The following SPPL2A variants were observed in gnomAD, a reference collection of about 807,000 sequenced individuals.
SPPL2A encodes signal peptide peptidase like 2A.
In SPPL2A, 51 loss-of-function variants were observed where a neutral mutation model predicts 63.8. That is an observed-to-expected ratio of 0.80 (90% CI 0.64 to 1.01). SPPL2A has a LOEUF of 1.01. Among genes scored for constraint, SPPL2A ranks in the 50% least tolerant of loss-of-function variants. SPPL2A has a pLI of 0.00. For synonymous variants in SPPL2A, 188 were observed against 205.8 expected (o/e 0.91, Z 0.74); for missense variants, 553 against 622.7 (o/e 0.89, Z 1.19).
chr15:50,726,465 T>C (rs2062689333), intron 10 of SPPL2A, 88 bp from the exon 11 acceptor site: 2 of 1,237,020 alleles, frequency 1.6e-6, no homozygotes, highest in Non-Finnish European at 2.3e-6. Flanking sequence ...CCATGGCATA[T>C]GGCCAGTTAC....
intron 14 of SPPL2A, among the ~76,000 whole-genome samples, chr15:50,719,217 G>A (rs532852003): frequency 1.3e-5 from 2 of 152,270 alleles, no homozygotes; most frequent in South Asian, 4.1e-4. Flanking sequence ...GCCCTATCTA[G>A]TTTGGTTAGG....
intron 8 of SPPL2A, among the ~76,000 whole-genome samples, chr15:50,735,065 C>T (rs535503894): frequency 1.3e-5 from 2 of 151,966 alleles, no homozygotes; most frequent in South Asian, 2.1e-4. Context: ...CCACCATGCC[C>T]GGCTAATTCT....
At chr15:50,735,522 T>TAC (rs754058840) in intron 8 of SPPL2A, among the ~76,000 whole-genome samples, 1,467 of 142,744 alleles carry the variant, frequency 0.01, 8 homozygotes, top group East Asian at 0.022. Flanking sequence ...CATACATATA[T>TAC]ACACACACAC....
chr15:50,742,218 T>C (rs2062826804), intron 5 of SPPL2A, among the ~76,000 whole-genome samples: 1 of 152,118 alleles, frequency 6.6e-6, no homozygotes, highest in Non-Finnish European at 1.5e-5. Context: ...AAGACCAGCC[T>C]GGCTAACGTG....
intron 1 of SPPL2A, among the ~76,000 whole-genome samples, 170 bp downstream of exon 1, chr15:50,765,298 G>A (rs2063048983): frequency 6.6e-6 from 1 of 152,094 alleles, no homozygotes; most frequent in African/African-American, 2.4e-5. Flanking sequence ...GAGGGTGGAA[G>A]GAAAGAGATG....
chr15:50,727,253 A>C (rs1190502054), intron 10 of SPPL2A, among the ~76,000 whole-genome samples: 8 of 152,198 alleles, frequency 5.3e-5, no homozygotes, highest in Admixed American at 4.6e-4. Flanking sequence ...AATATTTTCC[A>C]TGTGGGTGGG....
At chr15:50,732,981 C>T (rs1300157406) in intron 8 of SPPL2A, among the ~76,000 whole-genome samples, 1 of 151,994 alleles carries the variant, frequency 6.6e-6, no homozygotes, top group Non-Finnish European at 1.5e-5. Flanking sequence ...AATTATTAAA[C>T]AGCAAGCATA....
intron 5 of SPPL2A, among the ~76,000 whole-genome samples, chr15:50,741,049 C>G (rs1410210662): frequency 6.6e-6 from 1 of 152,046 alleles, no homozygotes; most frequent in African/African-American, 2.4e-5. Context: ...TTTAAGATAA[C>G]GAAATATTGT....
At chr15:50,765,061 ATTT>A (rs200332819) in intron 1 of SPPL2A, among the ~76,000 whole-genome samples, 3 of 151,740 alleles carry the variant, frequency 2.0e-5, no homozygotes, top group Non-Finnish European at 4.4e-5. Flanking sequence ...GCCTTGTATA[ATTT>A]TTTTTTCTTC....
rs2063055340 is a variant in SPPL2A at position 50,765,702 on chromosome 15, C to G, written c.-169G>C. On this transcript the variant is annotated 5_prime_UTR_variant, in exon 1 of 15. Transcript: ENST00000261854. ...TGCTACAGCGGCCGCCACAGCAGCG[C>G]GACTTCCTCTTCCGGCCCCGCCCGT... 2 of 407,180 alleles carry G rather than the reference C, an allele frequency of 4.9e-6. No homozygotes were observed. The allele number at this position is 407,180 out of a possible 1,614,324, so 25.2% of individuals were successfully genotyped here.
intron 14 of SPPL2A, among the ~76,000 whole-genome samples, chr15:50,711,223 T>TG (rs1489182351): frequency 1.3e-5 from 2 of 151,402 alleles, no homozygotes; most frequent in Admixed American, 6.6e-5. Context: ...TTTTTTTTTT[T>TG]TGTGAGATGG....
At chr15:50,714,098 T>C (rs1346532453) in intron 14 of SPPL2A, among the ~76,000 whole-genome samples, 1 of 152,244 alleles carries the variant, frequency 6.6e-6, no homozygotes, top group Admixed American at 6.5e-5. Context: ...TTATTTTGTA[T>C]TCTGAATGTC....
Position 50,707,532 on chromosome 15 carries a change from AT to A in SPPL2A, c.*267del, listed in dbSNP as rs11312848. The A allele has an allele frequency of 0.11, 32,203 of 302,480 alleles. 1,844 individuals are homozygous for A. The highest frequency in any genetic ancestry group is 0.15 in the East Asian group (2,762 of 18,052). The allele number at this position is 302,480 out of a possible 1,614,324, so 18.7% of individuals were successfully genotyped here. ...AAAAAGTATAGGGGTGGGTCAAGGC[AT>A]TTTTTTTTAGAAAAATATACTGTAT... is the stretch of plus-strand genomic sequence containing the variant. On this transcript the variant is annotated 3_prime_UTR_variant, in exon 15 of 15. Transcript: ENST00000261854.
intron 1 of SPPL2A, among the ~76,000 whole-genome samples, chr15:50,762,367 CAA>C (rs5812527): frequency 0.31 from 35,624 of 115,638 alleles, 5,050 homozygotes; most frequent in East Asian, 0.6. Flanking sequence ...GACTCCATCT[CAA>C]AAAAAAAAAA....
chr15:50,703,350 A>ATTTTTTTTT lies in SPPL2A; in HGVS notation c.*4449_*4450insAAAAAAAAA, dbSNP rs2062489440. The ATTTTTTTTT allele has an allele frequency of 4.4e-5, 3 of 67,752 alleles. No individual in the cohort carries two copies. Among genetic ancestry groups the ATTTTTTTTT allele is most frequent in the Admixed American group, 1.7e-4 (1 of 5,836 alleles). 4.2% of individuals were successfully genotyped at this position (67,752 alleles called of 1,614,324 possible). On this transcript the variant is annotated 3_prime_UTR_variant, in exon 15 of 15. Coordinates refer to ENST00000261854, the MANE Select transcript of SPPL2A (RefSeq NM_032802.4). ...CATATATATATATATATATATACATATATATATTTTTTTTTTTTTTTTTTT... is the reference window on the plus strand; with the variant it reads ...CATATATATATATATATATATACATATTTTTTTTTTATATATTTTTTTTTTTTTTTTTTT...
At chr15:50,712,887 A>G (rs535194320) in intron 14 of SPPL2A, among the ~76,000 whole-genome samples, 64 of 151,804 alleles carry the variant, frequency 4.2e-4, no homozygotes, top group Admixed American at 2.4e-3. Context: ...AAGTTTCACC[A>G]TGTTGGTCAG....
chr15:50,740,288 G>A (rs1437968615), intron 5 of SPPL2A, among the ~76,000 whole-genome samples: 1 of 151,594 alleles, frequency 6.6e-6, no homozygotes, highest in Non-Finnish European at 1.5e-5. Flanking sequence ...TTAGCCGGGT[G>A]TGGTGGTGTG....
chr15:50,722,104 A>G lies in SPPL2A; in HGVS notation c.1327+20T>C. On this transcript the variant is annotated intron_variant, in intron 13 of 14. Coordinates refer to ENST00000261854, the MANE Select transcript of SPPL2A (RefSeq NM_032802.4). Reference sequence around the variant, plus strand: ...GACAATACAATTCAACATTTAATACAAAGAAAAACAAAAATTTACCAACTG... The same window carrying G: ...GACAATACAATTCAACATTTAATACGAAGAAAAACAAAAATTTACCAACTG... The G allele has an allele frequency of 7.4e-7, 1 of 1,356,960 alleles. No individual in the cohort carries two copies. The highest frequency in any genetic ancestry group is 1.1e-6 in the Non-Finnish European group (1 of 951,546). The allele number at this position is 1,356,960 out of a possible 1,614,324, so 84.1% of individuals were successfully genotyped here. A position where few individuals can be genotyped will look rare whatever the true frequency, so the allele number is the denominator to read the frequency against.
At chr15:50,712,679 C>CCCTTTTT (rs35199045) in intron 14 of SPPL2A, among the ~76,000 whole-genome samples, 1 of 102,938 alleles carries the variant, frequency 9.7e-6, no homozygotes. Context: ...CTCCCCCCCC[C>CCCTTTTT]TTTTTTTTTT....
Sources: allele counts gnomAD v4.1 joint callset (sites outside exome capture counted in the v4.1 genomes callset), GRCh38; gene constraint gnomAD v4.1.1; transcripts MANE v1.5; gene names NCBI Gene and HGNC (gene_info 2026-07-23, HGNC 2026-07-21).